The following DOCK7 variants were observed in gnomAD, a reference collection of about 807,000 sequenced individuals.
DOCK7 encodes the protein dedicator of cytokinesis 7, also known as dedicator of cytokinesis protein 7.
Under a neutral mutation model 271.0 loss-of-function variants are expected in DOCK7, and 138 were observed. The ratio of observed to expected loss-of-function variants is 0.51; its 90% CI spans 0.44 to 0.59. DOCK7 has a LOEUF of 0.59. Ranked by LOEUF, DOCK7 falls within the 20% of genes least tolerant of loss-of-function variation. DOCK7 has a pLI of 0.00. For synonymous variants in DOCK7, 823 were observed against 876.1 expected, an observed-to-expected ratio of 0.94 and a Z score of 1.07; for missense variants, 2,066 against 2,592.4, an observed-to-expected ratio of 0.80 and a Z score of 4.41.
Position 62,545,021 on chromosome 1 carries a change from A to T in DOCK7, c.2785T>A (p.Ser929Thr). 6.5e-7 allele frequency: 1 copy of T among 1,549,764 alleles called. No homozygotes were observed. Among genetic ancestry groups the T allele is most frequent in the Non-Finnish European group, 8.7e-7 (1 of 1,146,434 alleles). ...IGSKGLDRSNSWVNTGGPKAA... is the reference protein window; with the variant it reads ...IGSKGLDRSNTWVNTGGPKAA... ...TTTGGACCACCAGTGTTAACCCAGG[A>T]ATTGGAGCGATCTAAACCCTAAGCA... Residue 929 changes from serine to threonine, a missense_variant, in exon 23 of 50, where the codon TCC becomes ACC. Physicochemically the swap from Ser to Thr is moderately conservative, Grantham distance 58. Around this residue, in one of 2 missense-constraint regions of DOCK7, gnomAD observed 1,414 missense variants for 1,670.4 expected, o/e 0.85. Transcript: ENST00000635253.
In DOCK7 at chr1:62,542,590, T is replaced by G; in HGVS notation, c.3045+18A>C. ...CTAAGAGAAAAAATATTAAAGAACA[T>G]GCTCAGTTTTTGCTCACCATTAATT... On this transcript the variant is annotated intron_variant, in intron 25 of 49. Coordinates refer to ENST00000635253, the MANE Select transcript of DOCK7 (RefSeq NM_001367561.1). 2.5e-6 allele frequency: 4 copies of G among 1,596,584 alleles called. No individual in the cohort carries two copies. The highest frequency in any genetic ancestry group is 3.4e-6 in the Non-Finnish European group (4 of 1,172,974).
chr1:62,470,231 G>T (rs531574916), intron 48 of DOCK7, among the ~76,000 whole-genome samples: 1 of 152,170 alleles, frequency 6.6e-6, no homozygotes, highest in Non-Finnish European at 1.5e-5. Flanking sequence ...ATATTACTCA[G>T]CCATAAAAAG....
intron 14 of DOCK7, chr1:62,604,253 C>A (rs1650607378): frequency 6.2e-7 from 1 of 1,611,274 alleles, no homozygotes. Context: ...TTTCTGATAC[C>A]AATACTTTAT....
Position 62,625,476 on chromosome 1 carries a change from G to C in DOCK7, c.1283-75C>G, listed in dbSNP as rs1325425076. 5 of 1,411,514 alleles carry C rather than the reference G, an allele frequency of 3.5e-6. No homozygotes were observed. The East Asian group carries it at 9.2e-5, about 26-fold the overall frequency. The allele number at this position is 1,411,514 out of a possible 1,614,324, so 87.4% of individuals were successfully genotyped here. On this transcript the variant is annotated intron_variant, in intron 11 of 49. Transcript: ENST00000635253. ...TTTTAAAGTAGCTTTCCAAACACAA[G>C]GAAGAATCTACTAAATTGAAAATTA...
At chr1:62,533,024 G>A (rs1374300218) in intron 29 of DOCK7, among the ~76,000 whole-genome samples, 1 of 152,126 alleles carries the variant, frequency 6.6e-6, no homozygotes, top group African/African-American at 2.4e-5. Context: ...TAAAGAACTG[G>A]AATCATGATG....
At chr1:62,504,081 T>C (rs1466550593) in intron 37 of DOCK7, among the ~76,000 whole-genome samples, 3 of 151,238 alleles carry the variant, frequency 2.0e-5, no homozygotes, top group Non-Finnish European at 4.4e-5. Flanking sequence ...GTCAACTCTT[T>C]GGGTTAAAAA....
intron 18 of DOCK7, among the ~76,000 whole-genome samples, chr1:62,576,031 G>A (rs898503520): frequency 1.1e-4 from 17 of 152,186 alleles, no homozygotes; most frequent in Middle Eastern, 3.4e-3. Context: ...AAGATTGGGA[G>A]GAGGGAGAGT....
intron 18 of DOCK7, among the ~76,000 whole-genome samples, chr1:62,568,564 C>T (rs1195316822): frequency 7.1e-6 from 1 of 140,822 alleles, no homozygotes. Context: ...CACAGCATTC[C>T]AACGTGCTTG....
At chr1:62,556,333 G>A (rs17381383) in intron 20 of DOCK7, among the ~76,000 whole-genome samples, 19,685 of 151,824 alleles carry the variant, frequency 0.13, 1,682 homozygotes, top group Non-Finnish European at 0.18. Context: ...AATACCTTAA[G>A]AAGCAATTTT....
chr1:62,548,352 G>A (rs1287663209), intron 22 of DOCK7, among the ~76,000 whole-genome samples: 2 of 151,644 alleles, frequency 1.3e-5, no homozygotes, highest in African/African-American at 4.8e-5. Context: ...AAAGGACTGA[G>A]AGAATAAGCC....
intron 16 of DOCK7, among the ~76,000 whole-genome samples, chr1:62,579,746 A>G (rs547398421): frequency 2.0e-5 from 3 of 149,716 alleles, no homozygotes; most frequent in Non-Finnish European, 3.0e-5. Context: ...AGACTGTCTT[A>G]TATCAACCAT....
At chr1:62,620,926 T>C (rs1653138510) in intron 12 of DOCK7, among the ~76,000 whole-genome samples, 2 of 147,950 alleles carry the variant, frequency 1.4e-5, no homozygotes, top group South Asian at 2.2e-4. Context: ...CAATACAAGT[T>C]AGAGATAGAT....
In DOCK7 at chr1:62,501,140, G is replaced by A. The variant is rs544327374; in HGVS notation, c.4764+3490C>T. Among the ~76,000 whole-genome samples the A allele has an allele frequency of 2.9e-4, 44 of 152,264 alleles. No individual in the cohort carries two copies. In the South Asian group the frequency reaches 7.7e-3, roughly 27 times the overall value. ...TGCAGGGAGGACTGCCTGAGCCTAC[G>A]AGTTCAAGACCAGACTGGGCAACAA... On this transcript the variant is annotated intron_variant, in intron 37 of 49. Coordinates refer to ENST00000635253, the MANE Select transcript of DOCK7 (RefSeq NM_001367561.1).
chr1:62,627,890 T>C (rs1445378753), intron 11 of DOCK7: 1 of 152,178 alleles, frequency 6.6e-6, no homozygotes, highest in Non-Finnish European at 1.5e-5. Context: ...CCTAAATTTA[T>C]ATGGAAATAA....
chr1:62,607,409 A>C (rs1433074143), intron 14 of DOCK7, among the ~76,000 whole-genome samples: 15 of 152,220 alleles, frequency 9.9e-5, no homozygotes, highest in Non-Finnish European at 2.9e-5. Context: ...TTGTATCATA[A>C]GCCACCAAGT....
At chr1:62,676,568 G>A (rs1018521863) in intron 1 of DOCK7, among the ~76,000 whole-genome samples, 2 of 152,116 alleles carry the variant, frequency 1.3e-5, no homozygotes, top group Non-Finnish European at 2.9e-5. Flanking sequence ...AAGGATCTGG[G>A]TTGGAACTGC....
chr1:62,504,830 T>A, intron 36 of DOCK7, 48 bp from the exon 37 acceptor site: 1 of 1,592,714 alleles, frequency 6.3e-7, no homozygotes, highest in Non-Finnish European at 8.5e-7. Flanking sequence ...CAGTAAAAGT[T>A]TCTGAGATAT....
chr1:62,541,250 C>T (rs1645520342), intron 25 of DOCK7, among the ~76,000 whole-genome samples: 1 of 152,180 alleles, frequency 6.6e-6, no homozygotes, highest in African/African-American at 2.4e-5. Context: ...AGACAAGTTA[C>T]TTAACTTCTC....
chr1:62,562,233 C>CTTTTTTTTTTTTTTTTTTTTTTT (rs59893499), intron 18 of DOCK7, among the ~76,000 whole-genome samples: 1 of 121,214 alleles, frequency 8.2e-6, no homozygotes, highest in African/African-American at 3.0e-5. Context: ...GATCCAAAAA[C>CTTTTTTTTTTTTTTTTTTTTTTT]TTTTTTTTTT....
Sources: gnomAD v4.1 joint callset for allele counts (sites outside exome capture counted in the v4.1 genomes callset) on GRCh38, gnomAD v4.1.1 for gene constraint, gnomAD v4.1.1 regional missense constraint, MANE v1.5 for transcripts, NCBI Gene and HGNC (gene_info 2026-07-23, HGNC 2026-07-21) for gene names.